NAALADL2: variants seen among roughly 807,000 people sequenced by gnomAD.
NAALADL2 encodes inactive N-acetylated-alpha-linked acidic dipeptidase-like protein 2.
NAALADL2 carries 76 observed loss-of-function variants against 87.2 expected under a neutral mutation model. That is an observed-to-expected ratio of 0.87 (90% CI 0.72 to 1.05). The LOEUF (loss-of-function observed/expected upper bound fraction) is 1.05, where lower values mean the gene tolerates loss of function less well. Ranked by LOEUF, NAALADL2 falls within the 50% of genes least tolerant of loss-of-function variation. The pLI, the probability that NAALADL2 is intolerant of heterozygous loss-of-function variation, is 0.00. For synonymous variants in NAALADL2, 354 were observed against 331.0 expected (o/e 1.07, Z -0.75); for missense variants, 1,089 against 945.8 (o/e 1.15, Z -1.99).
chr3:175,549,782 T>G (rs1247880691), intron 9 of NAALADL2, among the ~76,000 whole-genome samples: 1 of 152,072 alleles, frequency 6.6e-6, no homozygotes, highest in Admixed American at 6.5e-5. Context: ...TCAGAAGTTA[T>G]TATTACACTA....
chr3:175,613,291 T>G (rs1724892496), intron 10 of NAALADL2, among the ~76,000 whole-genome samples: 1 of 152,226 alleles, frequency 6.6e-6, no homozygotes, highest in South Asian at 2.1e-4. Context: ...GATATCTACT[T>G]GCTTACTAGT....
At chr3:175,345,741 T>C (rs1271986441) in intron 5 of NAALADL2, among the ~76,000 whole-genome samples, 1 of 152,054 alleles carries the variant, frequency 6.6e-6, no homozygotes, top group Non-Finnish European at 1.5e-5. Context: ...TTATGTAGCA[T>C]GGAATGGAGC....
In NAALADL2 at chr3:175,805,216, AT is replaced by A. The variant is rs1028395690; in HGVS notation, c.*2017del. ...GCTATTATCAGTTTGGTAGTTCATT[AT>A]TTTAGAACAAATTTCTAAATTAATT... is the stretch of plus-strand genomic sequence containing the variant. On this transcript the variant is annotated 3_prime_UTR_variant, in exon 14 of 14. Coordinates refer to ENST00000454872, the MANE Select transcript of NAALADL2 (RefSeq NM_207015.3). 1.1e-4 allele frequency: 17 copies of A among 152,040 alleles called. No individual in the cohort carries two copies. The highest frequency in any genetic ancestry group is 4.1e-4 in the African/African-American group (17 of 41,546). The allele number at this position is 152,040 out of a possible 1,614,324, so 9.4% of individuals were successfully genotyped here.
chr3:175,082,709 A>G (rs1449085132), intron 1 of NAALADL2, among the ~76,000 whole-genome samples: 1 of 152,222 alleles, frequency 6.6e-6, no homozygotes, highest in Non-Finnish European at 1.5e-5. Flanking sequence ...CAATTTGTTC[A>G]TGCTTTAGGA....
chr3:175,213,726 ACT>A (rs1372369326), intron 2 of NAALADL2, among the ~76,000 whole-genome samples: 1 of 152,182 alleles, frequency 6.6e-6, no homozygotes, highest in African/African-American at 2.4e-5. Context: ...TAATATATGT[ACT>A]GTTATTATCT....
chr3:175,703,729 C>A (rs1238318612), intron 11 of NAALADL2, among the ~76,000 whole-genome samples: 3 of 152,008 alleles, frequency 2.0e-5, no homozygotes, highest in Admixed American at 6.6e-5. Context: ...AGTGACAGAG[C>A]GAGACTCCAT....
intron 2 of NAALADL2, among the ~76,000 whole-genome samples, chr3:174,715,517 T>G (rs1038761832): frequency 3.9e-5 from 6 of 152,174 alleles, no homozygotes; most frequent in African/African-American, 1.4e-4. Flanking sequence ...TAAATATGGA[T>G]AGGCATTCTC....
chr3:175,033,809 GC>G (rs1560498388), intron 1 of NAALADL2, among the ~76,000 whole-genome samples: 1 of 152,022 alleles, frequency 6.6e-6, no homozygotes, highest in Admixed American at 6.6e-5. Context: ...GATGTGAAGC[GC>G]CATCTTGAAT....
At chr3:174,489,152 A>G (rs73052611) in intron 1 of NAALADL2, among the ~76,000 whole-genome samples, 2,992 of 152,108 alleles carry the variant, frequency 0.02, 102 homozygotes, top group African/African-American at 0.069. Flanking sequence ...TTTTCAGGCA[A>G]TATTTTTTTC....
At chr3:175,122,633 G>A (rs1296666014) in intron 2 of NAALADL2, among the ~76,000 whole-genome samples, 1 of 151,632 alleles carries the variant, frequency 6.6e-6, no homozygotes, top group East Asian at 1.9e-4. Context: ...TGTTTAATGG[G>A]TCTTGCTTAT....
In NAALADL2 at chr3:174,600,076, A is replaced by AT. The variant is rs539275968; in HGVS notation, c.-115+49446dup. Among the ~76,000 whole-genome samples, 20 of 152,104 alleles carry AT rather than the reference A, an allele frequency of 1.3e-4. No homozygotes were observed. The South Asian group carries it at 2.5e-3, about 19-fold the overall frequency. On this transcript the variant is annotated intron_variant, in intron 2 of 3. Coordinates refer to the NAALADL2 transcript ENST00000434257. Reference sequence around the variant, plus strand: ...TTTACAGTATTCTTTATAGTATTCTATTTTTTTCAAAAAAAACTAATCCTT... The same window carrying AT: ...TTTACAGTATTCTTTATAGTATTCTATTTTTTTTCAAAAAAAACTAATCCTT...
chr3:175,317,448 A>AGGGAGCTG (rs1460751695), intron 4 of NAALADL2, among the ~76,000 whole-genome samples: 1 of 151,600 alleles, frequency 6.6e-6, no homozygotes, highest in Non-Finnish European at 1.5e-5. Context: ...TGACCTCACA[A>AGGGAGCTG]TCCCTCCCTA....
intron 9 of NAALADL2, among the ~76,000 whole-genome samples, chr3:175,565,353 G>T (rs1487157796): frequency 6.6e-6 from 1 of 152,136 alleles, no homozygotes; most frequent in Non-Finnish European, 1.5e-5. Flanking sequence ...ACTGAGTGAG[G>T]TGTTCCATAT....
chr3:174,757,167 AAGT>A (rs1472050711), intron 3 of NAALADL2, among the ~76,000 whole-genome samples: 1 of 152,228 alleles, frequency 6.6e-6, no homozygotes, highest in Admixed American at 6.5e-5. Context: ...TGCTAAGCAG[AAGT>A]AGTCCCAATA....
intron 11 of NAALADL2, chr3:175,718,819 T>C (rs752703970): frequency 3.0e-5 from 16 of 539,994 alleles, no homozygotes; most frequent in Non-Finnish European, 5.0e-5. Context: ...CACTCCAGCC[T>C]GGGCAACAGA....
chr3:175,020,626 A>T (rs953076590), intron 1 of NAALADL2, among the ~76,000 whole-genome samples: 2 of 152,024 alleles, frequency 1.3e-5, no homozygotes, highest in Non-Finnish European at 2.9e-5. Context: ...GTGTCATCCT[A>T]ACTGGCCTTA....
intron 2 of NAALADL2, among the ~76,000 whole-genome samples, chr3:175,132,751 C>T (rs1580624828): frequency 6.6e-6 from 1 of 150,592 alleles, no homozygotes; most frequent in Admixed American, 6.6e-5. Flanking sequence ...AGGCACCCCT[C>T]ACCTCCCGGA....
intron 2 of NAALADL2, among the ~76,000 whole-genome samples, chr3:175,232,467 T>C (rs1384758146): frequency 6.6e-6 from 1 of 152,140 alleles, no homozygotes; most frequent in Admixed American, 6.5e-5. Context: ...GTTGCAGGGG[T>C]GTCCAATCAT....
intron 1 of NAALADL2, among the ~76,000 whole-genome samples, chr3:175,092,321 G>A (rs902429441): frequency 1.3e-5 from 2 of 151,140 alleles, no homozygotes; most frequent in African/African-American, 4.9e-5. Flanking sequence ...TCACTATGAA[G>A]TCCACTCATT....
Sources: allele counts gnomAD v4.1 joint callset (sites outside exome capture counted in the v4.1 genomes callset), GRCh38; gene constraint gnomAD v4.1.1; transcripts MANE v1.5; gene names NCBI Gene and HGNC (gene_info 2026-07-23, HGNC 2026-07-21).